Variants in ZFPM1 observed in about 807,000 individuals in gnomAD.
ZFPM1 encodes the protein zinc finger protein ZFPM1.
ZFPM1 carries 28 observed loss-of-function variants against 46.3 expected under a neutral mutation model. That is an observed-to-expected ratio of 0.60 (90% CI 0.45 to 0.83). The LOEUF (loss-of-function observed/expected upper bound fraction) is 0.83. ZFPM1 is among the 40% of genes least tolerant of loss of function. The pLI, the probability that ZFPM1 is intolerant of heterozygous loss-of-function variation, is 0.00. For missense variants in ZFPM1, 1,878 were observed against 1,432.4 expected (o/e 1.31, Z -5.02); for synonymous variants, 957 against 675.9 (o/e 1.42, Z -6.45).
At chr16:88,523,776 G>C (rs1597278927) in intron 4 of ZFPM1, among the ~76,000 whole-genome samples, 3 of 152,272 alleles carry the variant, frequency 2.0e-5, no homozygotes, top group African/African-American at 4.8e-5. Context: ...TGCACCCCTA[G>C]GTCTCCTACC....
intron 1 of ZFPM1, among the ~76,000 whole-genome samples, chr16:88,481,454 G>A (rs950457685): frequency 9.3e-4 from 126 of 135,234 alleles, no homozygotes; most frequent in African/African-American, 3.1e-3. Context: ...GCCGGGGGCC[G>A]TGGACAGGGC....
intron 4 of ZFPM1, among the ~76,000 whole-genome samples, chr16:88,523,981 G>C (rs1912112961): frequency 6.6e-6 from 1 of 152,226 alleles, no homozygotes. Context: ...GGTGCGTGCA[G>C]CGTCAGCACA....
chr16:88,522,574 A>G (rs1445831521), intron 4 of ZFPM1, among the ~76,000 whole-genome samples: 1 of 152,266 alleles, frequency 6.6e-6, no homozygotes, highest in Admixed American at 6.5e-5. Flanking sequence ...AAGTTGTCAC[A>G]GCGGATGCTG....
chr16:88,518,132 G>A (rs1471400749), intron 4 of ZFPM1, among the ~76,000 whole-genome samples: 1 of 152,082 alleles, frequency 6.6e-6, no homozygotes, highest in Non-Finnish European at 1.5e-5. Context: ...GTGAACCCGG[G>A]AGGCGGAGCT....
At chr16:88,515,055 TGTC>T (rs1911213057) in intron 4 of ZFPM1, among the ~76,000 whole-genome samples, 1 of 152,208 alleles carries the variant, frequency 6.6e-6, no homozygotes, top group Non-Finnish European at 1.5e-5. Context: ...CAAAGGCCTG[TGTC>T]GTTTGTCTTG....
chr16:88,481,480 C>T (rs1189092418), intron 1 of ZFPM1, among the ~76,000 whole-genome samples: 2 of 151,862 alleles, frequency 1.3e-5, no homozygotes, highest in African/African-American at 2.4e-5. Context: ...GCAAGTCGGC[C>T]TTGCTGGGCC....
In ZFPM1 at chr16:88,526,705, G is replaced by C. The variant is rs117440710; in HGVS notation, c.403-109G>C. 5,541 of 1,245,448 alleles carry C rather than the reference G, an allele frequency of 4.4e-3. 187 individuals are homozygous for C. In the Admixed American group the frequency reaches 0.064, roughly 14 times the overall value. The allele number at this position is 1,245,448 out of a possible 1,614,324, so 77.1% of individuals were successfully genotyped here. On this transcript the variant is annotated intron_variant, in intron 4 of 9. Coordinates refer to ENST00000319555, the MANE Select transcript of ZFPM1 (RefSeq NM_153813.3). ...TGACTGTCCACAGCTTGGCCTACCA[G>C]CCAAGCCGGGAGGCAGATCCGTGTC...
intron 2 of ZFPM1, among the ~76,000 whole-genome samples, chr16:88,486,745 G>T (rs1909250916): frequency 6.7e-6 from 1 of 150,116 alleles, no homozygotes; most frequent in East Asian, 2.0e-4. Context: ...CACAGCGGAT[G>T]GGTGCTGGGT....
At chr16:88,504,854 G>A (rs1296103755) in intron 3 of ZFPM1, among the ~76,000 whole-genome samples, 1 of 152,198 alleles carries the variant, frequency 6.6e-6, no homozygotes, top group East Asian at 1.9e-4. Flanking sequence ...TGGGGCCAGG[G>A]CCTTGCCCTT....
At chr16:88,455,134 T>TGG (rs1907481988) in intron 1 of ZFPM1, among the ~76,000 whole-genome samples, 2 of 40,368 alleles carry the variant, frequency 5.0e-5, no homozygotes, top group African/African-American at 1.1e-4. Context: ...GGTTCTGGGG[T>TGG]GTGTGTGTGT....
At chr16:88,478,681 G>A (rs1007570339) in intron 1 of ZFPM1, among the ~76,000 whole-genome samples, 3 of 152,212 alleles carry the variant, frequency 2.0e-5, no homozygotes, top group African/African-American at 7.2e-5. Context: ...CTGGACCATG[G>A]GGGACGGACC....
chr16:88,513,543 C>T (rs750072596), intron 3 of ZFPM1, among the ~76,000 whole-genome samples: 4 of 152,134 alleles, frequency 2.6e-5, no homozygotes, highest in African/African-American at 7.2e-5. Flanking sequence ...AGAGGTGGCC[C>T]GGCCTTCCTG....
rs1180595523 is a variant in ZFPM1 at position 88,480,884 on chromosome 16, C to T, written c.41-5055C>T. On this transcript the variant is annotated intron_variant, in intron 1 of 9. Transcript: ENST00000319555. The surrounding 1 kb of genome is among the most constrained non-coding windows in gnomAD (Gnocchi z 4.9). ...AAGACAGTCGTTCAAAGGAGCCCCC[C>T]AGCGCCTCGCCATCAAAGCCGGGAG... Among the ~76,000 whole-genome samples the T allele has an allele frequency of 6.6e-6, 1 of 152,266 alleles. No individual in the cohort carries two copies. Among genetic ancestry groups the T allele is most frequent in the Admixed American group, 6.5e-5 (1 of 15,288 alleles).
rs887089769 is a variant in ZFPM1, at chr16:88,480,910, G to A, written c.41-5029G>A. Reference sequence around the variant, plus strand: ...AGCGCCTCGCCATCAAAGCCGGGAGGGGCCACCTTAATCGTCGGTGTGGGG... The same window carrying A: ...AGCGCCTCGCCATCAAAGCCGGGAGAGGCCACCTTAATCGTCGGTGTGGGG... On this transcript the variant is annotated intron_variant, in intron 1 of 9. Transcript: ENST00000319555. This position sits in a 1 kb window ranked among gnomAD's most constrained non-coding sequence, Gnocchi z 4.9. 1.6e-4 allele frequency among the ~76,000 whole-genome samples: 25 copies of A among 152,252 alleles called. No individual in the cohort carries two copies. Among genetic ancestry groups the A allele is most frequent in the African/African-American group, 5.8e-4 (24 of 41,468 alleles).
At chr16:88,527,519 G>A (rs1198236708) in intron 5 of ZFPM1, among the ~76,000 whole-genome samples, 5 of 152,122 alleles carry the variant, frequency 3.3e-5, no homozygotes, top group African/African-American at 9.7e-5. Flanking sequence ...TGTGGTGCGC[G>A]TGAGCGGGCC....
chr16:88,467,916 G>A (rs1908212905), intron 1 of ZFPM1, among the ~76,000 whole-genome samples: 2 of 152,130 alleles, frequency 1.3e-5, no homozygotes, highest in Non-Finnish European at 2.9e-5. Flanking sequence ...GCTTGCTCGA[G>A]CTGAGCGGCC....
chr16:88,532,564 C>T (rs554073820), intron 7 of ZFPM1, 50 bp from the exon 8 acceptor site: 3 of 1,531,186 alleles, frequency 2.0e-6, no homozygotes, highest in South Asian at 2.4e-5. Context: ...TCCCTGGAGT[C>T]CCAAGGTTAA....
At chr16:88,476,238 C>T (rs1019570806) in intron 1 of ZFPM1, among the ~76,000 whole-genome samples, 5 of 152,188 alleles carry the variant, frequency 3.3e-5, no homozygotes, top group Non-Finnish European at 5.9e-5. Flanking sequence ...TCCCTCTGCA[C>T]AGCCTCCCTG....
intron 3 of ZFPM1, among the ~76,000 whole-genome samples, chr16:88,495,555 C>T (rs1909885435): frequency 6.6e-6 from 1 of 152,234 alleles, no homozygotes; most frequent in Non-Finnish European, 1.5e-5. Flanking sequence ...CTGCCTGTGT[C>T]TGTCTGGGAG....
Sources: gnomAD v4.1 joint callset for allele counts (sites outside exome capture counted in the v4.1 genomes callset) on GRCh38, gnomAD v4.1.1 for gene constraint, Gnocchi (gnomAD v3.1) non-coding constraint, MANE v1.5 for transcripts, NCBI Gene and HGNC (gene_info 2026-07-23, HGNC 2026-07-21) for gene names.